The following TMEM117 variants were observed in gnomAD, a reference collection of about 807,000 sequenced individuals.
The protein encoded by TMEM117 is transmembrane protein 117.
A neutral mutation model predicts 52.4 loss-of-function variants in TMEM117; 27 were observed. The observed-to-expected ratio is 0.51, with a 90% CI of 0.38 to 0.71. The LOEUF (loss-of-function observed/expected upper bound fraction) is 0.71. Among genes scored for constraint, TMEM117 ranks in the 30% least tolerant of loss-of-function variants. TMEM117 has a pLI of 0.00. For missense variants in TMEM117, 556 were observed against 630.5 expected (o/e 0.88, Z 1.26); for synonymous variants, 215 against 206.3 (o/e 1.04, Z -0.36).
chr12:43,865,315 G>C (rs1210328449), intron 2 of TMEM117, among the ~76,000 whole-genome samples: 1 of 152,080 alleles, frequency 6.6e-6, no homozygotes, highest in African/African-American at 2.4e-5. Context: ...CTTCTAACTT[G>C]GGCATTGAAA....
intron 2 of TMEM117, among the ~76,000 whole-genome samples, chr12:43,925,233 G>A (rs1043433770): frequency 1.3e-5 from 2 of 151,852 alleles, no homozygotes; most frequent in East Asian, 1.9e-4. Context: ...GTGTGTGGGG[G>A]TGTCTAGCCA....
At chr12:43,869,997 C>T (rs1466956756) in intron 2 of TMEM117, among the ~76,000 whole-genome samples, 1 of 152,126 alleles carries the variant, frequency 6.6e-6, no homozygotes, top group African/African-American at 2.4e-5. Context: ...ATTTAGCTCC[C>T]AGTTATAAGT....
At position 43,934,362 on chromosome 12, in the gene TMEM117, A is replaced by G. The variant is rs181028250; in HGVS notation, c.278-9848A>G. Among the ~76,000 whole-genome samples, 296 of 152,320 alleles carry G rather than the reference A, an allele frequency of 1.9e-3. 2 individuals carry two copies. Among genetic ancestry groups the G allele is most frequent in the African/African-American group, 6.8e-3 (283 of 41,586 alleles). ...TTTAGTTAAACTTGAGGATAGTTTA[A>G]TGGAAAGAGCCAAATAGTAATAGTA... On this transcript the variant is annotated intron_variant, in intron 2 of 7. Transcript: ENST00000266534.
chr12:44,123,484 G>A (rs1359480633), intron 3 of TMEM117, among the ~76,000 whole-genome samples: 1 of 152,104 alleles, frequency 6.6e-6, no homozygotes, highest in Admixed American at 6.5e-5. Context: ...CCATGCCTAT[G>A]TCCTGAATGG....
At chr12:44,350,600 T>C (rs942588530) in intron 6 of TMEM117, among the ~76,000 whole-genome samples, 6 of 152,020 alleles carry the variant, frequency 3.9e-5, no homozygotes, top group African/African-American at 1.4e-4. Context: ...ATCCCACAAA[T>C]AATTGAGAAC....
At chr12:44,327,486 A>G (rs1353398434) in intron 6 of TMEM117, among the ~76,000 whole-genome samples, 1 of 152,188 alleles carries the variant, frequency 6.6e-6, no homozygotes. Flanking sequence ...TAACTAAAAG[A>G]CACACTCATT....
intron 3 of TMEM117, chr12:44,009,829 G>T: frequency 3.6e-6 from 1 of 274,726 alleles, no homozygotes; most frequent in South Asian, 6.6e-5. Flanking sequence ...ACCCAGTTCT[G>T]GGTATCCTTG....
chr12:44,058,922 A>G (rs987467010), intron 3 of TMEM117, among the ~76,000 whole-genome samples: 1 of 152,144 alleles, frequency 6.6e-6, no homozygotes, highest in Non-Finnish European at 1.5e-5. Context: ...GGTGCCAGGG[A>G]CCGGTTTTAT....
chr12:43,797,337 T>C, the TMEM117 span: 2 of 1,603,610 alleles, frequency 1.2e-6, no homozygotes, highest in Non-Finnish European at 1.7e-6. Flanking sequence ...ATGGGAATGT[T>C]TATACAGAAA....
intron 3 of TMEM117, among the ~76,000 whole-genome samples, chr12:43,987,904 C>G (rs1945874453): frequency 6.6e-6 from 1 of 152,054 alleles, no homozygotes; most frequent in Non-Finnish European, 1.5e-5. Flanking sequence ...GTCAGGAAAA[C>G]ACATGAATGT....
intron 2 of TMEM117, among the ~76,000 whole-genome samples, chr12:43,861,429 C>G (rs1318155588): frequency 1.3e-5 from 2 of 152,170 alleles, no homozygotes; most frequent in African/African-American, 4.8e-5. Flanking sequence ...TTCTGGGTTG[C>G]TCCCCTGCTT....
intron 2 of TMEM117, among the ~76,000 whole-genome samples, chr12:43,850,721 T>G (rs979303782): frequency 2.6e-5 from 4 of 152,164 alleles, no homozygotes; most frequent in African/African-American, 9.7e-5. Context: ...TAATTAAAAA[T>G]TTAATGCAAA....
At chr12:44,125,525 A>C (rs1387445542) in intron 3 of TMEM117, among the ~76,000 whole-genome samples, 6 of 152,006 alleles carry the variant, frequency 3.9e-5, no homozygotes, top group African/African-American at 1.4e-4. Flanking sequence ...GTATTCTCTG[A>C]TGGTTGTTTT....
intron 5 of TMEM117, among the ~76,000 whole-genome samples, chr12:44,298,257 A>G (rs550271671): frequency 2.7e-5 from 4 of 150,924 alleles, no homozygotes; most frequent in Non-Finnish European, 4.4e-5. Flanking sequence ...ATGAGTTTCA[A>G]TTATTATAAG....
intron 3 of TMEM117, among the ~76,000 whole-genome samples, chr12:43,973,844 A>G (rs185121267): frequency 1.3e-5 from 2 of 152,358 alleles, no homozygotes; most frequent in East Asian, 3.9e-4. Context: ...TTCCTAAATC[A>G]GGATCATAAC....
At chr12:43,868,646 A>T (rs1450454666) in intron 2 of TMEM117, among the ~76,000 whole-genome samples, 12 of 152,042 alleles carry the variant, frequency 7.9e-5, no homozygotes, top group Non-Finnish European at 1.5e-5. Flanking sequence ...AAATTATAAA[A>T]TATTTCTAAC....
At chr12:44,013,140 C>T (rs891635078) in intron 3 of TMEM117, among the ~76,000 whole-genome samples, 7 of 151,992 alleles carry the variant, frequency 4.6e-5, no homozygotes, top group Admixed American at 1.3e-4. Context: ...GCGATCCTTC[C>T]GCCTCAGCCT....
intron 4 of TMEM117, among the ~76,000 whole-genome samples, chr12:44,208,725 G>GTTTTTTTT (rs5797892): frequency 1.7e-4 from 12 of 68,840 alleles, no homozygotes; most frequent in Admixed American, 2.0e-4. Context: ...CAGAAAGAAT[G>GTTTTTTTT]TTTTTTTTTT....
chr12:44,156,156 G>T (rs1286139875), intron 4 of TMEM117, among the ~76,000 whole-genome samples: 1 of 152,090 alleles, frequency 6.6e-6, no homozygotes, highest in African/African-American at 2.4e-5. Context: ...TTAAATGCTT[G>T]TTATAGTAGT....
Sources: allele counts gnomAD v4.1 joint callset (sites outside exome capture counted in the v4.1 genomes callset), GRCh38; gene constraint gnomAD v4.1.1; transcripts MANE v1.5; gene names NCBI Gene and HGNC (gene_info 2026-07-23, HGNC 2026-07-21).